Variants in NOTCH1 observed in about 807,000 individuals in gnomAD.
The protein encoded by NOTCH1 is neurogenic locus notch homolog protein 1.
NOTCH1 carries 37 observed loss-of-function variants against 254.8 expected under a neutral mutation model. That is an observed-to-expected ratio of 0.15 (90% CI 0.11 to 0.19). The LOEUF (loss-of-function observed/expected upper bound fraction) is 0.19. Among genes scored for constraint, NOTCH1 ranks in the 10% least tolerant of loss-of-function variants. NOTCH1 has a pLI of 1.00. For missense variants in NOTCH1, 2,972 were observed against 3,708.6 expected (o/e 0.80, Z 5.16); for synonymous variants, 1,731 against 1,618.1 (o/e 1.07, Z -1.68).
intron 2 of NOTCH1, chr9:136,542,844 C>T (rs1416177874): frequency 6.6e-6 from 1 of 152,232 alleles, no homozygotes; most frequent in Non-Finnish European, 1.5e-5. Context: ...TTTTTCCAGA[C>T]ACCAAACACC....
rs1440584630 is a variant in NOTCH1 at position 136,517,374 on chromosome 9, C to A, written c.1453G>T (p.Val485Leu). 6.3e-7 allele frequency: 1 copy of A among 1,599,128 alleles called. No homozygotes were observed. The highest frequency in any genetic ancestry group is 8.5e-7 in the Non-Finnish European group (1 of 1,173,090). Reference sequence around the variant, plus strand: ...TCGTCTGTGTTGACCTCGCAGTGCACACCCTCGTAGCCTGTGGGGTGGGGC... The same window carrying A: ...TCGTCTGTGTTGACCTCGCAGTGCAAACCCTCGTAGCCTGTGGGGTGGGGC... Reference protein sequence around the residue: ...QCICMPGYEGVHCEVNTDECA... With the variant: ...QCICMPGYEGLHCEVNTDECA... Residue 485 changes from valine (V) to leucine (L), a missense_variant, in exon 9 of 34, where the codon GTG (valine) becomes TTG (leucine). By Grantham distance (32) the Val-to-Leu change is conservative. This residue lies in a region of NOTCH1 where 128 missense variants were observed against 193.8 expected (regional missense o/e 0.66). Coordinates refer to ENST00000651671, the MANE Select transcript of NOTCH1 (RefSeq NM_017617.5).
In NOTCH1 at chr9:136,499,135, T is replaced by A. The variant is rs2133322608; in HGVS notation, c.6059A>T (p.Asp2020Val). 6.2e-7 allele frequency: 1 copy of A among 1,613,194 alleles called. No homozygotes were observed. Among genetic ancestry groups the A allele is most frequent in the Non-Finnish European group, 8.5e-7 (1 of 1,179,996 alleles). The change falls in exon 32 of 34, where the codon GAC (aspartate) becomes GTC (valine). Residue 2020 changes from aspartate (D) to valine (V), a missense_variant. By Grantham distance (152) the Asp-to-Val change is radical. Around this residue, in one of 8 missense-constraint regions of NOTCH1, gnomAD observed 421 missense variants for 604.4 expected, o/e 0.70. Coordinates refer to ENST00000651671, the MANE Select transcript of NOTCH1 (RefSeq NM_017617.5). ...ACCCAGGTCATCTACGGCGTTGACG[T>A]CGGCGTGTGAGTTGATGAGGTCCTC... ...MLEDLINSHA[D>V]VNAVDDLGKS...
chr9:136,499,057 C>T (rs1842958546), intron 32 of NOTCH1, 55 bp downstream of exon 32: 13 of 1,612,642 alleles, frequency 8.1e-6, no homozygotes, highest in African/African-American at 4.0e-5. Flanking sequence ...CAGTCCCACC[C>T]GTCCCTGTGG....
At position 136,506,557 on chromosome 9, in the gene NOTCH1, G is replaced by A. The variant is rs201556407; in HGVS notation, c.3984C>T (p.Thr1328=). 9.9e-6 allele frequency: 16 copies of A among 1,609,366 alleles called. No homozygotes were observed. Among genetic ancestry groups the A allele is most frequent in the East Asian group, 6.7e-5 (3 of 44,788 alleles). The part of the protein sequence containing the change: ...NGGTCAVASN[T]ARGFICKCPA... ...GGCACTTGCAGATGAACCCGCGGGC[G>A]GTGTTGGAGGCCACGGCGCAGGTGC... Residue 1328 remains threonine (T), a synonymous_variant, in exon 24 of 34, where the codon ACC becomes ACT. Transcript: ENST00000651671. The surrounding 1 kb of genome is among the most constrained non-coding windows in gnomAD (Gnocchi z 4.5).
chr9:136,508,158 TAGAC>T lies in NOTCH1; in HGVS notation c.3326-23_3326-20del. On this transcript the variant is annotated intron_variant, in intron 20 of 33. Coordinates refer to ENST00000651671, the MANE Select transcript of NOTCH1 (RefSeq NM_017617.5). ...TCAACACCTGCGGGGGATGGGGTGG[TAGAC>T]AGGTGAGGCCCAGGCCCACAGAGGA... is the stretch of plus-strand genomic sequence containing the variant. 1 of 1,607,826 alleles carries T rather than the reference TAGAC, an allele frequency of 6.2e-7. No homozygotes were observed. The highest frequency in any genetic ancestry group is 8.5e-7 in the Non-Finnish European group (1 of 1,179,526).
At chr9:136,523,266 T>TGAAG in intron 3 of NOTCH1, 78 bp from the exon 4 acceptor site, 6 of 1,414,270 alleles carry the variant, frequency 4.2e-6, no homozygotes, top group African/African-American at 1.4e-5. Flanking sequence ...TCAGGCCACC[T>TGAAG]GGAGGTGCCA....
Position 136,515,523 on chromosome 9 carries a change from G to A in NOTCH1, c.1863C>T (p.Arg621=), listed in dbSNP as rs749374016. The change falls in exon 11 of 34, where the codon CGC becomes CGT. Residue 621 remains arginine (R), a synonymous_variant. Coordinates refer to ENST00000651671, the MANE Select transcript of NOTCH1 (RefSeq NM_017617.5). ...GGCAGAAGCAGAGGTAGGCGTTGTC[G>A]CGGTCCTGGCAGGTGCCCCCGTGGC... ...PCRHGGTCQD[R]DNAYLCFCLK... is the part of the protein sequence containing the mutation. The A allele has an allele frequency of 4.7e-5, 75 of 1,611,864 alleles. No homozygotes were observed. The highest frequency in any genetic ancestry group is 1.8e-4 in the South Asian group (16 of 91,062).
chr9:136,518,112 CCG>C (rs1371987316), intron 7 of NOTCH1, 23 bp downstream of exon 7: 1 of 1,570,834 alleles, frequency 6.4e-7, no homozygotes, highest in African/African-American at 1.3e-5. Flanking sequence ...CCCCACCTGG[CCG>C]CACCCCCTGT....
At chr9:136,536,543 T>C (rs1843660301) in intron 2 of NOTCH1, among the ~76,000 whole-genome samples, 1 of 152,148 alleles carries the variant, frequency 6.6e-6, no homozygotes, top group Non-Finnish European at 1.5e-5. Context: ...GCCCCATGGA[T>C]GTGTCCAAAG....
At chr9:136,503,774 G>A (rs150086345) in intron 26 of NOTCH1, among the ~76,000 whole-genome samples, 86 of 152,320 alleles carry the variant, frequency 5.6e-4, no homozygotes, top group African/African-American at 2.0e-3. Flanking sequence ...CTGCTCCCCA[G>A]GACTGGGTTC....
intron 7 of NOTCH1, 44 bp from the exon 8 acceptor site, chr9:136,517,981 C>T (rs764416401): frequency 2.5e-6 from 4 of 1,599,120 alleles, no homozygotes; most frequent in Non-Finnish European, 3.4e-6. Flanking sequence ...GGCACCCTGG[C>T]CCCTGCAACA....
In NOTCH1 at chr9:136,506,531, G is replaced by C. The variant is rs1043832212; in HGVS notation, c.4010C>G (p.Pro1337Arg). ...TCCCTGCACCCCTGCACCTACCGCA[G>C]GGCACTTGCAGATGAACCCGCGGGC... ...NTARGFICKCPAGFEGATCEN... is the reference protein window; with the variant it reads ...NTARGFICKCRAGFEGATCEN... Residue 1337 changes from proline (P) to arginine (R), a missense_variant, in exon 24 of 34, where the codon CCT (proline) becomes CGT (arginine). Around this residue, in one of 8 missense-constraint regions of NOTCH1, gnomAD observed 1,343 missense variants for 1,557.0 expected, o/e 0.86. Transcript: ENST00000651671. The surrounding 1 kb of genome is among the most constrained non-coding windows in gnomAD (Gnocchi z 4.5). The C allele has an allele frequency of 2.3e-5, 37 of 1,598,006 alleles. No individual in the cohort carries two copies. The highest frequency in any genetic ancestry group is 2.9e-5 in the Non-Finnish European group (34 of 1,173,886).
At chr9:136,505,182 G>T in intron 25 of NOTCH1, 78 bp from the exon 26 acceptor site, 1 of 1,538,290 alleles carries the variant, frequency 6.5e-7, no homozygotes, top group Non-Finnish European at 8.8e-7. Flanking sequence ...CAGCCCACTG[G>T]CCAGCCGCGG....
Position 136,513,695 on chromosome 9 carries a change from A to T in NOTCH1, c.2208-158T>A. 1 of 792,482 alleles carries T rather than the reference A, an allele frequency of 1.3e-6. No individual in the cohort carries two copies. The allele number at this position is 792,482 out of a possible 1,614,324, so 49.1% of individuals were successfully genotyped here. On this transcript the variant is annotated intron_variant, in intron 13 of 33. Coordinates refer to ENST00000651671, the MANE Select transcript of NOTCH1 (RefSeq NM_017617.5). The surrounding 1 kb of genome is among the most constrained non-coding windows in gnomAD (Gnocchi z 4.7). ...GGGGGCAGGCTGGGCGCTGTGGCTC[A>T]CACCTGTAATCCCAGCACTTTGGGA... is the stretch of plus-strand genomic sequence containing the variant.
chr9:136,543,224 A>G (rs1045043567), intron 2 of NOTCH1: 1 of 177,890 alleles, frequency 5.6e-6, no homozygotes, highest in African/African-American at 2.4e-5. Context: ...AAGAGGCATC[A>G]CCCACCCGGA....
Position 136,505,413 on chromosome 9 carries a change from G to T in NOTCH1, c.4483C>A (p.Gln1495Lys), listed in dbSNP as rs1036363986. 26 of 1,612,748 alleles carry T rather than the reference G, an allele frequency of 1.6e-5. No individual in the cohort carries two copies. The highest frequency in any genetic ancestry group is 2.2e-5 in the Non-Finnish European group (26 of 1,179,936). Residue 1495 changes from glutamine to lysine, a missense_variant, in exon 25 of 34, where the codon CAG becomes AAG. Physicochemically the swap from Gln to Lys is moderately conservative, Grantham distance 53. This residue lies in a region of NOTCH1 where 1,343 missense variants were observed against 1,557.0 expected (regional missense o/e 0.86). Transcript: ENST00000651671. The part of the protein sequence containing the change: ...DPWKNCTQSL[Q>K]CWKYFSDGHC... ...CCGTCACTGAAGTACTTCCAGCACTGCAGAGACTGCGTGCAGTTCTTCCAG... is the reference window on the plus strand; with the variant it reads ...CCGTCACTGAAGTACTTCCAGCACTTCAGAGACTGCGTGCAGTTCTTCCAG...
chr9:136,496,973 C>T lies in NOTCH1; in HGVS notation c.6766G>A (p.Ala2256Thr), dbSNP rs1200214053. 6.2e-7 allele frequency: 1 copy of T among 1,610,668 alleles called. No individual in the cohort carries two copies. The highest frequency in any genetic ancestry group is 2.2e-5 in the East Asian group (1 of 44,848). The change falls in exon 34 of 34, where the codon GCG becomes ACG. Residue 2256 changes from alanine to threonine, a missense_variant. This residue lies in a region of NOTCH1 where 529 missense variants were observed against 529.2 expected (regional missense o/e 1.00). Coordinates refer to ENST00000651671, the MANE Select transcript of NOTCH1 (RefSeq NM_017617.5). ...HLNVAAKPEM[A>T]ALGGGGRLAF... is the part of the protein sequence containing the mutation. ...AGCCGGCCGCCCCCACCCAGCGCCG[C>T]CATCTCGGGCTTGGCCGCCACGTTC...
At chr9:136,511,909 T>C (rs1843187471) in intron 15 of NOTCH1, among the ~76,000 whole-genome samples, 2 of 152,304 alleles carry the variant, frequency 1.3e-5, no homozygotes, top group South Asian at 4.1e-4. Flanking sequence ...CCGAGGGCCT[T>C]TTTCTGCACA....
intron 21 of NOTCH1, 99 bp from the exon 22 acceptor site, chr9:136,507,536 G>T (rs1177148828): frequency 2.0e-6 from 3 of 1,503,032 alleles, no homozygotes; most frequent in Non-Finnish European, 2.7e-6. Context: ...CACATGAGCT[G>T]CCCTCAGGTC....
Sources: gnomAD v4.1 joint callset for allele counts (sites outside exome capture counted in the v4.1 genomes callset) on GRCh38, gnomAD v4.1.1 for gene constraint, gnomAD v4.1.1 regional missense constraint, Gnocchi (gnomAD v3.1) non-coding constraint, MANE v1.5 for transcripts, NCBI Gene and HGNC (gene_info 2026-07-23, HGNC 2026-07-21) for gene names.